The following MBNL3 variants were observed in gnomAD, a reference collection of about 807,000 sequenced individuals.
MBNL3 encodes the protein muscleblind-like protein 3.
MBNL3 carries 6 observed loss-of-function variants against 24.5 expected under a neutral mutation model. The ratio of observed to expected loss-of-function variants is 0.25; its 90% CI spans 0.13 to 0.48. The LOEUF is 0.48. MBNL3 is among the 20% of genes least tolerant of loss of function. The pLI is 0.99. For missense variants in MBNL3, 230 were observed against 293.5 expected (o/e 0.78, Z 1.58); for synonymous variants, 100 against 101.7 (o/e 0.98, Z 0.10).
Position 132,390,968 on chromosome X carries a change from A to G in MBNL3, c.650T>C (p.Met217Thr). Residue 217 changes from methionine to threonine, a missense_variant, in exon 5 of 9, where the codon ATG becomes ACG. Coordinates refer to ENST00000370853, the MANE Select transcript of MBNL3 (RefSeq NM_001386889.1). ...CGAGCATCGACCTTTGATGTAATCC[A>G]TGCAGATTGTCACAGTATTATCACT... is the stretch of plus-strand genomic sequence containing the variant. Reference protein sequence around the residue: ...EASDNTVTICMDYIKGRCSRE... With the variant: ...EASDNTVTICTDYIKGRCSRE... 8.3e-7 allele frequency: 1 copy of G among 1,211,248 alleles called. No individual in the cohort carries two copies. Among genetic ancestry groups the G allele is most frequent in the Non-Finnish European group, 1.1e-6 (1 of 895,218 alleles).
intron 1 of MBNL3, among the ~76,000 whole-genome samples, chrX:132,486,671 T>C (rs1045984004): frequency 1.8e-5 from 2 of 112,215 alleles, no homozygotes; most frequent in Non-Finnish European, 3.8e-5. Context: ...CACTGTGAGT[T>C]TATAAGCTAT....
intron 1 of MBNL3, among the ~76,000 whole-genome samples, chrX:132,453,525 T>C (rs1442071401): frequency 8.9e-6 from 1 of 111,833 alleles, no homozygotes; most frequent in Non-Finnish European, 1.9e-5. Flanking sequence ...TACCTACCCA[T>C]CATTTATCAA....
intron 2 of MBNL3, among the ~76,000 whole-genome samples, chrX:132,428,795 C>T (rs916091308): frequency 8.1e-5 from 9 of 111,669 alleles, no homozygotes; most frequent in Admixed American, 1.9e-4. Context: ...TTGCTATTTC[C>T]GGATGCACAG....
chrX:132,415,654 G>T (rs1486782416), intron 2 of MBNL3, among the ~76,000 whole-genome samples: 1 of 111,525 alleles, frequency 9.0e-6, no homozygotes, highest in Non-Finnish European at 1.9e-5. Context: ...ATTGTTTACA[G>T]GGTGAATTAA....
intron 2 of MBNL3, 121 bp from the exon 3 acceptor site, chrX:132,406,513 C>T: frequency 3.3e-6 from 2 of 597,038 alleles, no homozygotes; most frequent in South Asian, 8.7e-5. Flanking sequence ...CCATATAAGG[C>T]GAGAAACACC....
At chrX:132,435,927 T>C (rs1410786104) in intron 2 of MBNL3, among the ~76,000 whole-genome samples, 1 of 111,803 alleles carries the variant, frequency 8.9e-6, no homozygotes, top group East Asian at 2.8e-4. Flanking sequence ...TGATAACACA[T>C]TGCTTCAAGT....
chrX:132,391,702 A>G (rs1386252023), intron 4 of MBNL3, among the ~76,000 whole-genome samples: 1 of 112,146 alleles, frequency 8.9e-6, no homozygotes, highest in Non-Finnish European at 1.9e-5. Flanking sequence ...ATCACTCTCA[A>G]AATGGAGAAA....
intron 1 of MBNL3, among the ~76,000 whole-genome samples, chrX:132,447,740 A>C (rs1945810996): frequency 8.9e-6 from 1 of 111,839 alleles, no homozygotes; most frequent in Non-Finnish European, 1.9e-5. Flanking sequence ...AATACAATTT[A>C]TTTCTTTCTC....
At chrX:132,430,788 T>C (rs766624466) in intron 2 of MBNL3, 3 of 112,093 alleles carry the variant, frequency 2.7e-5, no homozygotes, top group African/African-American at 6.5e-5. Flanking sequence ...TTATTTATTT[T>C]AGAAACAGGG....
At chrX:132,489,318 G>C (rs774647450), upstream of MBNL3, among the ~76,000 whole-genome samples, 3 of 112,235 alleles carry the variant, frequency 2.7e-5, no homozygotes, top group African/African-American at 9.7e-5. Context: ...GGGCCGGCCG[G>C]CGGGCTGTGG....
chrX:132,430,420 C>T (rs1944641611), intron 2 of MBNL3: 1 of 111,364 alleles, frequency 9.0e-6, no homozygotes, highest in African/African-American at 3.3e-5. Flanking sequence ...TCCTAATGTT[C>T]TTCTGTTCTA....
At chrX:132,447,693 T>C (rs1945807544) in intron 1 of MBNL3, among the ~76,000 whole-genome samples, 1 of 112,206 alleles carries the variant, frequency 8.9e-6, no homozygotes, top group Non-Finnish European at 1.9e-5. Flanking sequence ...TCATGTCATC[T>C]GCAAAGAGAC....
chrX:132,422,098 C>G (rs1450831681), intron 2 of MBNL3, among the ~76,000 whole-genome samples: 2 of 109,268 alleles, frequency 1.8e-5, no homozygotes, highest in African/African-American at 6.7e-5. Flanking sequence ...AAGATTGACT[C>G]ATATAAATGT....
intron 1 of MBNL3, among the ~76,000 whole-genome samples, chrX:132,479,274 C>CCATA (rs1443646213): frequency 1.8e-5 from 2 of 111,447 alleles, no homozygotes; most frequent in African/African-American, 6.5e-5. Flanking sequence ...ATAAATAAAC[C>CCATA]CATACATACA....
At chrX:132,380,782 A>T (rs997593957) in intron 8 of MBNL3, among the ~76,000 whole-genome samples, 1 of 110,917 alleles carries the variant, frequency 9.0e-6, no homozygotes, top group Non-Finnish European at 1.9e-5. Context: ...ATGATTGCTT[A>T]AAAAAGTGTG....
intron 1 of MBNL3, among the ~76,000 whole-genome samples, chrX:132,443,619 G>A (rs957416875): frequency 3.6e-5 from 4 of 111,410 alleles, no homozygotes; most frequent in African/African-American, 1.3e-4. Flanking sequence ...GAAGTAACTT[G>A]ATGTACAAGG....
At chrX:132,484,463 A>G (rs1238320067) in intron 1 of MBNL3, among the ~76,000 whole-genome samples, 1 of 112,072 alleles carries the variant, frequency 8.9e-6, no homozygotes, top group Non-Finnish European at 1.9e-5. Context: ...ATTCAAGGAA[A>G]CCTGAGTAAG....
intron 2 of MBNL3, chrX:132,431,306 G>C (rs189553659): frequency 1.8e-5 from 2 of 111,845 alleles, no homozygotes; most frequent in South Asian, 3.7e-4. Flanking sequence ...GAATTCTTCT[G>C]TAAGGAGGAG....
intron 8 of MBNL3, chrX:132,381,348 AAG>A: frequency 9.3e-7 from 1 of 1,070,568 alleles, no homozygotes; most frequent in Admixed American, 2.7e-5. Flanking sequence ...TTAATACTGA[AAG>A]AAACTTACTG....
Sources: allele counts gnomAD v4.1 joint callset (sites outside exome capture counted in the v4.1 genomes callset), GRCh38; gene constraint gnomAD v4.1.1; transcripts MANE v1.5; gene names NCBI Gene and HGNC (gene_info 2026-07-23, HGNC 2026-07-21).